SCN4B: variants seen among roughly 807,000 people sequenced by gnomAD.
The protein encoded by SCN4B is sodium voltage-gated channel beta subunit 4, also known as sodium channel regulatory subunit beta-4.
SCN4B carries 20 observed loss-of-function variants against 19.6 expected under a neutral mutation model. The ratio of observed to expected loss-of-function variants is 1.02; its 90% CI spans 0.72 to 1.48. SCN4B has a LOEUF of 1.48. SCN4B is among the 40% of genes most tolerant of loss of function. SCN4B has a pLI of 0.00. For missense variants in SCN4B, 271 were observed against 287.5 expected, an observed-to-expected ratio of 0.94 and a Z score of 0.42; for synonymous variants, 127 against 122.8, an observed-to-expected ratio of 1.03 and a Z score of -0.22.
chr11:118,133,692 T>A lies in SCN4B; in HGVS notation c.*3335A>T, dbSNP rs1222850484. On this transcript the variant is annotated 3_prime_UTR_variant, in exon 5 of 5. Transcript: ENST00000324727. ...AGGTGGGAGGTGGGAGGGTAGGGACTCCAACCTGGGACAAAGTAAAGTAAA... is the reference window on the plus strand; with the variant it reads ...AGGTGGGAGGTGGGAGGGTAGGGACACCAACCTGGGACAAAGTAAAGTAAA... The A allele has an allele frequency of 2.2e-6, 1 of 454,530 alleles. No homozygotes were observed. Among genetic ancestry groups the A allele is most frequent in the South Asian group, 1.6e-5 (1 of 64,476 alleles). The allele number at this position is 454,530 out of a possible 1,614,324, so 28.2% of individuals were successfully genotyped here.
At position 118,141,538 on chromosome 11, in the gene SCN4B, C is replaced by T. The variant is rs1350093465; in HGVS notation, c.464-202G>A. On this transcript the variant is annotated intron_variant, in intron 3 of 4. Coordinates refer to ENST00000324727, the MANE Select transcript of SCN4B (RefSeq NM_174934.4). ...GCATGGCATCTATCAGGCTAGGGCA[C>T]ACATAAGGGGCCCTCTCCCCCACCC... is the stretch of plus-strand genomic sequence containing the variant. The T allele has an allele frequency of 1.1e-5, 7 of 627,148 alleles. No individual in the cohort carries two copies. The African/African-American group carries it at 1.3e-4, about 11-fold the overall frequency. 38.8% of individuals were successfully genotyped at this position (627,148 alleles called of 1,614,324 possible).
chr11:118,139,159 A>T (rs1948063842), intron 4 of SCN4B, among the ~76,000 whole-genome samples: 1 of 152,046 alleles, frequency 6.6e-6, no homozygotes. Flanking sequence ...CCCCTTCTGC[A>T]GGCTTTTATT....
chr11:118,145,456 C>A, intron 1 of SCN4B: 1 of 1,463,036 alleles, frequency 6.8e-7, no homozygotes, highest in South Asian at 1.2e-5. Context: ...AGGGAGTAGC[C>A]CTTGTTGCGC....
chr11:118,140,195 C>T (rs538299625), intron 4 of SCN4B, among the ~76,000 whole-genome samples: 1 of 152,338 alleles, frequency 6.6e-6, no homozygotes, highest in African/African-American at 2.4e-5. Context: ...TTTAGCCCCT[C>T]TCACGATCAC....
At chr11:118,140,875 A>T (rs529564570) in intron 4 of SCN4B, among the ~76,000 whole-genome samples, 1 of 152,078 alleles carries the variant, frequency 6.6e-6, no homozygotes, top group Non-Finnish European at 1.5e-5. Flanking sequence ...AGGCTCCTTA[A>T]GTCCTTTGGT....
intron 4 of SCN4B, among the ~76,000 whole-genome samples, chr11:118,140,398 G>GCTTC (rs1948079094): frequency 6.6e-6 from 1 of 152,172 alleles, no homozygotes. Context: ...CCTCTTCTCA[G>GCTTC]CAGAGCAGAA....
Position 118,136,469 on chromosome 11 carries a change from A to G in SCN4B, c.*558T>C. On this transcript the variant is annotated 3_prime_UTR_variant, in exon 5 of 5. Coordinates refer to ENST00000324727, the MANE Select transcript of SCN4B (RefSeq NM_174934.4). ...CGGGGCAGGGGAAAGGAAGTTTCCT[A>G]CTTGGAAGACTGTGGGGGATCTGGT... The G allele has an allele frequency of 2.2e-6, 1 of 453,850 alleles. No individual in the cohort carries two copies. The highest frequency in any genetic ancestry group is 1.6e-5 in the South Asian group (1 of 64,464). 28.1% of individuals were successfully genotyped at this position (453,850 alleles called of 1,614,324 possible).
At chr11:118,146,597 C>T (rs1591437605) in intron 1 of SCN4B, among the ~76,000 whole-genome samples, 1 of 152,218 alleles carries the variant, frequency 6.6e-6, no homozygotes. Context: ...AGCAGGCAGC[C>T]CTGCTTGCTC....
In SCN4B at chr11:118,136,587, C is replaced by T. The variant is rs1415377100; in HGVS notation, c.*440G>A. On this transcript the variant is annotated 3_prime_UTR_variant, in exon 5 of 5. Transcript: ENST00000324727. ...CCAGAGGCCTCCAGCCCACTCCCAC[C>T]TCCAAAGGAAGCCACTTCTTCCTAC... is the stretch of plus-strand genomic sequence containing the variant. 4.4e-6 allele frequency: 2 copies of T among 454,474 alleles called. No individual in the cohort carries two copies. Among genetic ancestry groups the T allele is most frequent in the East Asian group, 6.9e-5 (1 of 14,406 alleles). 28.2% of individuals were successfully genotyped at this position (454,474 alleles called of 1,614,324 possible). A position where few individuals can be genotyped will look rare whatever the true frequency, so the allele number is the denominator to read the frequency against.
intron 1 of SCN4B, chr11:118,145,611 G>C: frequency 6.0e-6 from 3 of 498,700 alleles, no homozygotes; most frequent in Non-Finnish European, 9.7e-6. Flanking sequence ...GCGCAGGGCG[G>C]GCTCCCTTCT....
At chr11:118,142,895 G>A (rs1171089930) in intron 3 of SCN4B, 1 of 152,220 alleles carries the variant, frequency 6.6e-6, no homozygotes, top group Non-Finnish European at 1.5e-5. Flanking sequence ...ACCATAGGCA[G>A]ACCTATGACT....
In SCN4B at chr11:118,135,316, C is replaced by A. The variant is rs1437062492; in HGVS notation, c.*1711G>T. On this transcript the variant is annotated 3_prime_UTR_variant, in exon 5 of 5. Transcript: ENST00000324727. Reference sequence around the variant, plus strand: ...ACTACTGGTCCTCAGTCTCCCCCCACTCCACCCTTGCGAGGCTTGCAGCTG... The same window carrying A: ...ACTACTGGTCCTCAGTCTCCCCCCAATCCACCCTTGCGAGGCTTGCAGCTG... 2.2e-6 allele frequency: 1 copy of A among 453,994 alleles called. No individual in the cohort carries two copies. Among genetic ancestry groups the A allele is most frequent in the Non-Finnish European group, 4.4e-6 (1 of 226,790 alleles). The allele number at this position is 453,994 out of a possible 1,614,324, so 28.1% of individuals were successfully genotyped here.
intron 2 of SCN4B, 67 bp downstream of exon 2, chr11:118,144,990 C>G: frequency 2.0e-6 from 3 of 1,509,448 alleles, no homozygotes; most frequent in Non-Finnish European, 2.8e-6. Flanking sequence ...CAGAAGGGAC[C>G]AGAGCGTAGG....
intron 1 of SCN4B, among the ~76,000 whole-genome samples, chr11:118,149,163 A>G (rs1948212069): frequency 6.6e-6 from 1 of 152,180 alleles, no homozygotes; most frequent in African/African-American, 2.4e-5. Flanking sequence ...AAATATTCAC[A>G]CCAGCAGGAA....
intron 1 of SCN4B, among the ~76,000 whole-genome samples, chr11:118,146,600 G>C (rs1331587686): frequency 6.6e-6 from 1 of 152,214 alleles, no homozygotes; most frequent in Non-Finnish European, 1.5e-5. Context: ...AGGCAGCCCT[G>C]CTTGCTCAGC....
intron 3 of SCN4B, among the ~76,000 whole-genome samples, chr11:118,143,517 T>C (rs1168313816): frequency 2.0e-5 from 3 of 152,202 alleles, no homozygotes; most frequent in East Asian, 1.9e-4. Context: ...AATCAGTATA[T>C]ACGGAGAAAA....
intron 1 of SCN4B, among the ~76,000 whole-genome samples, chr11:118,146,243 A>G (rs551026809): frequency 2.3e-3 from 343 of 151,918 alleles, no homozygotes; most frequent in African/African-American, 5.3e-3. Flanking sequence ...AGGCCTCTCC[A>G]CTCACGGCCT....
chr11:118,150,312 G>C (rs1050236702), intron 1 of SCN4B, among the ~76,000 whole-genome samples: 1 of 152,142 alleles, frequency 6.6e-6, no homozygotes, highest in African/African-American at 2.4e-5. Context: ...ATTTTGTTAG[G>C]TTATCAAAAA....
chr11:118,152,697 C>CGG lies in SCN4B; in HGVS notation c.-26_-25dup, dbSNP rs997983511. 1.3e-6 allele frequency: 2 copies of CGG among 1,569,464 alleles called. No homozygotes were observed. Among genetic ancestry groups the CGG allele is most frequent in the Non-Finnish European group, 1.7e-6 (2 of 1,148,478 alleles). On this transcript the variant is annotated 5_prime_UTR_variant, in exon 1 of 5. Coordinates refer to ENST00000324727, the MANE Select transcript of SCN4B (RefSeq NM_174934.4). ...ATAGTCCTGTTCTCTCCGGAGCGCG[C>CGG]GGGGGTCGCGGGGATGGGATACTGG...
Sources: allele counts gnomAD v4.1 joint callset (sites outside exome capture counted in the v4.1 genomes callset), GRCh38; gene constraint gnomAD v4.1.1; transcripts MANE v1.5; gene names NCBI Gene and HGNC (gene_info 2026-07-23, HGNC 2026-07-21).